Variants in PAX7 observed in about 807,000 individuals in gnomAD.
PAX7 encodes the protein paired box 7.
PAX7 carries 18 observed loss-of-function variants against 50.7 expected under a neutral mutation model. The ratio of observed to expected loss-of-function variants is 0.36; its 90% CI spans 0.25 to 0.53. PAX7 has a LOEUF of 0.53. Ranked by LOEUF, PAX7 falls within the 20% of genes least tolerant of loss-of-function variation. The pLI, the probability that PAX7 is intolerant of heterozygous loss-of-function variation, is 0.93. For synonymous variants in PAX7, 310 were observed against 290.4 expected (o/e 1.07, Z -0.69); for missense variants, 644 against 702.9 (o/e 0.92, Z 0.95).
At chr1:18,715,748 G>A (rs2089412255) in intron 7 of PAX7, among the ~76,000 whole-genome samples, 1 of 152,150 alleles carries the variant, frequency 6.6e-6, no homozygotes. Flanking sequence ...TGAGAAGTGT[G>A]TTCATATATG....
At chr1:18,732,074 G>T (rs969342919) in intron 7 of PAX7, among the ~76,000 whole-genome samples, 5 of 152,182 alleles carry the variant, frequency 3.3e-5, no homozygotes, top group African/African-American at 9.7e-5. Flanking sequence ...TGCCTGGAAA[G>T]CTCCCCTGCC....
At chr1:18,710,294 C>G (rs1260633290) in intron 7 of PAX7, among the ~76,000 whole-genome samples, 1 of 152,172 alleles carries the variant, frequency 6.6e-6, no homozygotes, top group Non-Finnish European at 1.5e-5. Flanking sequence ...TGACTCTCAG[C>G]AAGACACGAC....
intron 4 of PAX7, among the ~76,000 whole-genome samples, chr1:18,670,616 C>A (rs1244759564): frequency 1.3e-5 from 2 of 152,186 alleles, no homozygotes; most frequent in African/African-American, 4.8e-5. Flanking sequence ...AGGGCCCAGA[C>A]CTGCAGCCCC....
At position 18,745,675 on chromosome 1, in the gene PAX7, C is replaced by A; in HGVS notation, c.*746C>A. Reference sequence around the variant, plus strand: ...GGGGCTTGTCAGCCGTGGGCCCGCCCAGGATACAAGGACCCAACTCAGGCT... The same window carrying A: ...GGGGCTTGTCAGCCGTGGGCCCGCCAAGGATACAAGGACCCAACTCAGGCT... On this transcript the variant is annotated 3_prime_UTR_variant, in exon 9 of 9. Coordinates refer to ENST00000420770, the MANE Select transcript of PAX7 (RefSeq NM_001135254.2). 4.3e-6 allele frequency: 1 copy of A among 231,260 alleles called. No homozygotes were observed. The allele number at this position is 231,260 out of a possible 1,614,324, so 14.3% of individuals were successfully genotyped here.
intron 4 of PAX7, among the ~76,000 whole-genome samples, chr1:18,649,961 G>C (rs999018991): frequency 2.0e-5 from 3 of 152,176 alleles, no homozygotes; most frequent in Non-Finnish European, 4.4e-5. Context: ...TGGAGTCCTG[G>C]GATTCTCAGC....
At chr1:18,681,684 G>T (rs1015667530) in intron 4 of PAX7, among the ~76,000 whole-genome samples, 2 of 144,142 alleles carry the variant, frequency 1.4e-5, no homozygotes, top group Admixed American at 6.8e-5. Flanking sequence ...TCTACCTAGG[G>T]CTTAGAATTT....
chr1:18,666,321 A>T (rs973835401), intron 4 of PAX7, among the ~76,000 whole-genome samples: 1 of 151,950 alleles, frequency 6.6e-6, no homozygotes, highest in Non-Finnish European at 1.5e-5. Flanking sequence ...TCTGTCCCCC[A>T]CCCCTTTGCA....
In PAX7 at chr1:18,636,323, G is replaced by A. The variant is rs751661905; in HGVS notation, c.538G>A (p.Gly180Ser). ...EDEADKKEDDGEKKAKHSIDG... is the reference protein window; with the variant it reads ...EDEADKKEDDSEKKAKHSIDG... ...TGAAGCGGACAAGAAGGAGGACGACGGCGAAAAGAAGGCCAAACACAGCAT... is the reference window on the plus strand; with the variant it reads ...TGAAGCGGACAAGAAGGAGGACGACAGCGAAAAGAAGGCCAAACACAGCAT... Residue 180 changes from glycine (G) to serine (S), a missense_variant, in exon 4 of 9, where the codon GGC becomes AGC. Physicochemically the swap from Gly to Ser is moderately conservative, Grantham distance 56. Transcript: ENST00000420770. The surrounding 1 kb of genome is among the most constrained non-coding windows in gnomAD (Gnocchi z 5.1). 5.2e-5 allele frequency: 84 copies of A among 1,614,242 alleles called. No homozygotes were observed. Among genetic ancestry groups the A allele is most frequent in the Non-Finnish European group, 7.1e-5 (84 of 1,180,020 alleles).
At chr1:18,697,741 G>T (rs2089167552) in intron 5 of PAX7, among the ~76,000 whole-genome samples, 1 of 152,180 alleles carries the variant, frequency 6.6e-6, no homozygotes, top group South Asian at 2.1e-4. Flanking sequence ...CCTCCAGGAA[G>T]TCCTCCTGGA....
intron 7 of PAX7, among the ~76,000 whole-genome samples, chr1:18,708,623 CTT>C (rs964190356): frequency 1.3e-5 from 2 of 151,996 alleles, no homozygotes; most frequent in African/African-American, 4.8e-5. Context: ...ACGCAAATGA[CTT>C]TGAATAATGT....
intron 4 of PAX7, among the ~76,000 whole-genome samples, chr1:18,673,448 G>T (rs2088781298): frequency 6.6e-6 from 1 of 152,128 alleles, no homozygotes; most frequent in Non-Finnish European, 1.5e-5. Flanking sequence ...GTCAGAACCA[G>T]TGTGTTTTCA....
chr1:18,713,980 G>A (rs997101994), intron 7 of PAX7, among the ~76,000 whole-genome samples: 1 of 152,186 alleles, frequency 6.6e-6, no homozygotes, highest in Non-Finnish European at 1.5e-5. Context: ...GGAGGCCAAG[G>A]CGGGTGGATC....
intron 4 of PAX7, among the ~76,000 whole-genome samples, chr1:18,675,829 G>C (rs1249237945): frequency 6.6e-6 from 1 of 152,148 alleles, no homozygotes; most frequent in Non-Finnish European, 1.5e-5. Flanking sequence ...TTCTTCTCTT[G>C]GTGGTGTCTC....
intron 4 of PAX7, among the ~76,000 whole-genome samples, chr1:18,654,963 A>G (rs533547225): frequency 6.6e-6 from 1 of 152,332 alleles, no homozygotes; most frequent in African/African-American, 2.4e-5. Flanking sequence ...GAGCCGATCA[A>G]AGGAAGAACT....
At chr1:18,655,249 T>A (rs2088495960) in intron 4 of PAX7, among the ~76,000 whole-genome samples, 1 of 152,188 alleles carries the variant, frequency 6.6e-6, no homozygotes, top group Non-Finnish European at 1.5e-5. Context: ...AAACAAGGGC[T>A]GCGGCCGGTC....
intron 4 of PAX7, among the ~76,000 whole-genome samples, chr1:18,676,780 C>T (rs2088828850): frequency 6.6e-6 from 1 of 152,214 alleles, no homozygotes; most frequent in Non-Finnish European, 1.5e-5. Flanking sequence ...TCTCCAGCAA[C>T]AGGCATTGTT....
chr1:18,686,105 C>T (rs1004875025), intron 4 of PAX7, among the ~76,000 whole-genome samples: 1 of 152,240 alleles, frequency 6.6e-6, no homozygotes, highest in Admixed American at 6.5e-5. Context: ...CTGTCCTGTG[C>T]CCCGGTTCAT....
intron 7 of PAX7, among the ~76,000 whole-genome samples, chr1:18,706,311 C>T (rs191271877): frequency 3.3e-5 from 5 of 152,142 alleles, no homozygotes; most frequent in African/African-American, 1.2e-4. Flanking sequence ...CTCACCTGGG[C>T]AAGAGGGACA....
intron 5 of PAX7, among the ~76,000 whole-genome samples, chr1:18,695,475 G>A (rs1324187277): frequency 6.6e-6 from 1 of 152,216 alleles, no homozygotes; most frequent in Non-Finnish European, 1.5e-5. Context: ...ATGATGTCAG[G>A]TGGGGATCTG....
Sources: gnomAD v4.1 joint callset for allele counts (sites outside exome capture counted in the v4.1 genomes callset) on GRCh38, gnomAD v4.1.1 for gene constraint, Gnocchi (gnomAD v3.1) non-coding constraint, MANE v1.5 for transcripts, NCBI Gene and HGNC (gene_info 2026-07-23, HGNC 2026-07-21) for gene names.